Variants in INPP5D observed in about 807,000 individuals in gnomAD.
INPP5D encodes the protein inositol polyphosphate-5-phosphatase D.
A neutral mutation model predicts 122.9 loss-of-function variants in INPP5D; 33 were observed. The ratio of observed to expected loss-of-function variants is 0.27; its 90% confidence interval spans 0.20 to 0.36. The LOEUF is 0.36. Ranked by LOEUF, INPP5D falls within the 10% of genes least tolerant of loss-of-function variation. The pLI is 1.00. For synonymous variants in INPP5D, 584 were observed against 576.2 expected, an observed-to-expected ratio of 1.01 and a Z score of -0.19; for missense variants, 1,053 against 1,412.7, an observed-to-expected ratio of 0.75 and a Z score of 4.08.
chr2:233,072,595 G>A (rs1341545804), intron 1 of INPP5D, among the ~76,000 whole-genome samples: 2 of 152,124 alleles, frequency 1.3e-5, no homozygotes, highest in African/African-American at 4.8e-5. Context: ...TCTTCTCAAT[G>A]CCATTTATAC....
intron 13 of INPP5D, among the ~76,000 whole-genome samples, chr2:233,168,317 T>C (rs1694401211): frequency 6.6e-6 from 1 of 152,250 alleles, no homozygotes; most frequent in Non-Finnish European, 1.5e-5. Context: ...ACTCACAACC[T>C]GTCTCATTTT....
chr2:233,134,181 G>A (rs759313311), intron 5 of INPP5D: 23 of 374,498 alleles, frequency 6.1e-5, no homozygotes, highest in African/African-American at 4.8e-4. Flanking sequence ...GGTGGTGGGA[G>A]GAGAGTTCTG....
At chr2:233,136,170 G>C (rs1022031008) in intron 5 of INPP5D, among the ~76,000 whole-genome samples, 2 of 152,172 alleles carry the variant, frequency 1.3e-5, no homozygotes, top group Non-Finnish European at 2.9e-5. Flanking sequence ...TAAAAGTTCT[G>C]CTCTATTATT....
At chr2:233,156,206 G>A (rs150345441) in intron 9 of INPP5D, among the ~76,000 whole-genome samples, 7,774 of 152,328 alleles carry the variant, frequency 0.051, 660 homozygotes, top group African/African-American at 0.18. Flanking sequence ...TGGTGAGATG[G>A]CCAGATGGCT....
chr2:233,121,558 C>T (rs1692980136), intron 2 of INPP5D, among the ~76,000 whole-genome samples: 1 of 143,248 alleles, frequency 7.0e-6, no homozygotes. Flanking sequence ...CTGAGTTGCC[C>T]AGGCTGGAGT....
chr2:233,191,089 GA>G (rs1695045078), intron 22 of INPP5D, among the ~76,000 whole-genome samples: 4 of 152,188 alleles, frequency 2.6e-5, no homozygotes, highest in Non-Finnish European at 5.9e-5. Flanking sequence ...ACATACTTAA[GA>G]CGGGTAATTT....
At chr2:233,125,998 G>C (rs1415250108) in intron 4 of INPP5D, 79 bp downstream of exon 4, 4 of 1,409,170 alleles carry the variant, frequency 2.8e-6, no homozygotes, top group Middle Eastern at 1.8e-4. Context: ...CTTGGGTTTC[G>C]ATCCTAGTTA....
At chr2:233,073,654 A>G (rs993078571) in intron 1 of INPP5D, among the ~76,000 whole-genome samples, 1 of 151,788 alleles carries the variant, frequency 6.6e-6, no homozygotes, top group African/African-American at 2.4e-5. Context: ...AAAAAAAAAA[A>G]AAAAAAAAAA....
intron 2 of INPP5D, among the ~76,000 whole-genome samples, chr2:233,114,452 C>T (rs72984274): frequency 0.08 from 12,169 of 152,262 alleles, 1,333 homozygotes; most frequent in African/African-American, 0.25. Context: ...TGGCCCCCAT[C>T]CCTAGTAAGA....
intron 18 of INPP5D, among the ~76,000 whole-genome samples, chr2:233,179,965 C>G (rs1694741923): frequency 6.6e-6 from 1 of 152,184 alleles, no homozygotes; most frequent in Non-Finnish European, 1.5e-5. Flanking sequence ...CACCTCTGCT[C>G]TAGTTGGTGT....
chr2:233,114,433 G>A (rs1449018743), intron 2 of INPP5D, among the ~76,000 whole-genome samples: 3 of 152,232 alleles, frequency 2.0e-5, no homozygotes, highest in East Asian at 1.9e-4. Flanking sequence ...AGGCCAGGCC[G>A]GGAGGAGGTG....
chr2:233,071,122 A>C (rs547087589), intron 1 of INPP5D, among the ~76,000 whole-genome samples: 2 of 151,958 alleles, frequency 1.3e-5, no homozygotes, highest in Non-Finnish European at 2.9e-5. Context: ...AAAGATACAA[A>C]AAAAATAAAA....
At chr2:233,130,125 C>G (rs1424810442) in intron 4 of INPP5D, among the ~76,000 whole-genome samples, 1 of 152,220 alleles carries the variant, frequency 6.6e-6, no homozygotes, top group East Asian at 1.9e-4. Flanking sequence ...GAACTCCTAA[C>G]CTCAGGTGAT....
intron 19 of INPP5D, among the ~76,000 whole-genome samples, chr2:233,182,815 G>A (rs1315594591): frequency 3.9e-5 from 6 of 152,060 alleles, no homozygotes; most frequent in Non-Finnish European, 5.9e-5. Context: ...AGGAGGGGGC[G>A]GGGGACATGA....
Position 233,147,352 on chromosome 2 carries a change from C to G in INPP5D, c.907-119C>G. The G allele has an allele frequency of 6.3e-6, 4 of 633,676 alleles. No homozygotes were observed. In the Admixed American group the frequency reaches 9.4e-5, roughly 15 times the overall value. 39.3% of individuals were successfully genotyped at this position (633,676 alleles called of 1,614,324 possible). On this transcript the variant is annotated intron_variant, in intron 8 of 26. Transcript: ENST00000445964. ...CGCTGGGGCAAGAGAAGCCCAGTGG[C>G]CCCACGAAGGACGCACACCAGAGGT...
chr2:233,061,043 C>T (rs543027175), intron 1 of INPP5D, among the ~76,000 whole-genome samples: 6 of 152,286 alleles, frequency 3.9e-5, no homozygotes, highest in Admixed American at 1.3e-4. Flanking sequence ...ACCCAGGCTT[C>T]GGGCCCCTGG....
intron 2 of INPP5D, among the ~76,000 whole-genome samples, chr2:233,102,154 C>T (rs1032924133): frequency 1.3e-5 from 2 of 152,268 alleles, no homozygotes; most frequent in Non-Finnish European, 2.9e-5. Context: ...ACCAGTTGGT[C>T]GTGGAGCTAA....
At chr2:233,143,681 CACTGACAATTATTAACT>C in intron 6 of INPP5D, among the ~76,000 whole-genome samples, 1 of 152,326 alleles carries the variant, frequency 6.6e-6, no homozygotes, top group East Asian at 1.9e-4. Context: ...TTAGAGAAAG[CACTGACAATTATTAACT>C]GCTGNGATGG....
chr2:233,130,902 C>A, intron 5 of INPP5D: 1 of 633,410 alleles, frequency 1.6e-6, no homozygotes, highest in East Asian at 3.4e-5. Flanking sequence ...CTCTGGGAAG[C>A]GGATGGGGTG....
Sources: gnomAD v4.1 joint callset for allele counts (sites outside exome capture counted in the v4.1 genomes callset) on GRCh38, gnomAD v4.1.1 for gene constraint, MANE v1.5 for transcripts, NCBI Gene and HGNC (gene_info 2026-07-23, HGNC 2026-07-21) for gene names.